Variants in ERICH2 observed in about 807,000 individuals in gnomAD.
ERICH2 encodes the protein glutamate-rich protein 2.
Under a neutral mutation model 17.4 loss-of-function variants are expected in ERICH2, and 17 were observed. The observed-to-expected ratio is 0.98, with a 90% CI of 0.67 to 1.47. The LOEUF is 1.47. Ranked by LOEUF, ERICH2 falls within the 40% of genes most tolerant of loss-of-function variation. The pLI is 0.00. For missense variants in ERICH2, 186 were observed against 183.2 expected (o/e 1.01, Z -0.09); for synonymous variants, 51 against 61.1 (o/e 0.83, Z 0.77).
intron 4 of ERICH2, 111 bp downstream of exon 9, chr2:170,798,223 A>G (rs1251479104): frequency 1.3e-6 from 1 of 748,076 alleles, no homozygotes; most frequent in East Asian, 2.7e-5. Context: ...GGTTAAGAAA[A>G]GGCTAAATGG....
intron 2 of ERICH2, among the ~76,000 whole-genome samples, chr2:170,786,564 T>C (rs1235903597): frequency 3.3e-5 from 5 of 152,288 alleles, no homozygotes; most frequent in East Asian, 1.9e-4. Flanking sequence ...AAATGTTCAG[T>C]TATTCTTCAA....
chr2:170,791,787 A>C (rs1483060104), intron 2 of ERICH2, among the ~76,000 whole-genome samples: 1 of 151,930 alleles, frequency 6.6e-6, no homozygotes, highest in Non-Finnish European at 1.5e-5. Context: ...TTATAGAAAA[A>C]TCTCCGGAAG....
At position 170,793,438 on chromosome 2, in the gene ERICH2, G is replaced by T. The variant is rs530360120; in HGVS notation, c.274+518G>T. 2.0e-5 allele frequency among the ~76,000 whole-genome samples: 3 copies of T among 152,334 alleles called. No individual in the cohort carries two copies. In the South Asian group the frequency reaches 6.2e-4, roughly 32 times the overall value. On this transcript the variant is annotated intron_variant, in intron 3 of 4. Coordinates refer to ENST00000409885, the Ensembl canonical transcript of ERICH2. ...GGTGAGAAATAAAGTAGGGAAGAAG[G>T]AATAGAAGGTACTGGAGGAAGGCAA...
At chr2:170,783,146 A>G (rs1298428722), upstream of ERICH2, 2 of 87,022 alleles carry the variant, frequency 2.3e-5, no homozygotes, top group African/African-American at 6.6e-5. Flanking sequence ...AAATAAAAAT[A>G]AAATAAAAAA....
At chr2:170,794,074 C>T in intron 3 of ERICH2, among the ~76,000 whole-genome samples, 1 of 139,772 alleles carries the variant, frequency 7.2e-6, no homozygotes, top group Admixed American at 7.2e-5. Flanking sequence ...TTCTTTCTTT[C>T]CTTCCTTCCT....
upstream of ERICH2, among the ~76,000 whole-genome samples, chr2:170,782,803 G>A (rs897708874): frequency 6.6e-6 from 1 of 152,176 alleles, no homozygotes; most frequent in Non-Finnish European, 1.5e-5. Context: ...AAACAGGCCA[G>A]CTATAGTGGC....
chr2:170,782,760 G>A (rs1323279895), upstream of ERICH2, among the ~76,000 whole-genome samples: 1 of 152,172 alleles, frequency 6.6e-6, no homozygotes, highest in Non-Finnish European at 1.5e-5. Context: ...TTACATTCTA[G>A]TAGAAGTCAG....
At chr2:170,777,717 C>T in the ERICH2 span, 1 of 1,216,556 alleles carries the variant, frequency 8.2e-7, no homozygotes, top group Non-Finnish European at 1.0e-6. Context: ...CTGATCTCTC[C>T]CATGCCTTTT....
At chr2:170,784,308 G>A (rs1332702318) in intron 1 of ERICH2, among the ~76,000 whole-genome samples, 3 of 152,162 alleles carry the variant, frequency 2.0e-5, no homozygotes, top group African/African-American at 7.2e-5. Flanking sequence ...TTGTGTATTA[G>A]TAAAAATAGT....
At chr2:170,792,973 G>A (rs1701326294) in intron 3 of ERICH2, 53 bp downstream of exon 8, 1 of 1,089,798 alleles carries the variant, frequency 9.2e-7, no homozygotes, top group Non-Finnish European at 1.3e-6. Context: ...TTTCAAAAAT[G>A]AATTCCGTAA....
At chr2:170,782,936 T>G (rs941869262), upstream of ERICH2, among the ~76,000 whole-genome samples, 3 of 151,652 alleles carry the variant, frequency 2.0e-5, no homozygotes, top group African/African-American at 7.3e-5. Context: ...AAAATTAAAA[T>G]TAAAAAAGAA....
At chr2:170,795,048 G>A (rs1427765968) in intron 3 of ERICH2, among the ~76,000 whole-genome samples, 4 of 146,916 alleles carry the variant, frequency 2.7e-5, no homozygotes, top group Non-Finnish European at 3.0e-5. Flanking sequence ...GTGGCACAAT[G>A]TCAGCCACTG....
the ERICH2 span, chr2:170,777,830 T>A: frequency 2.8e-6 from 1 of 356,068 alleles, no homozygotes; most frequent in Non-Finnish European, 4.5e-6. Flanking sequence ...GTCAAAGCAA[T>A]TGTTACTATA....
chr2:170,787,530 A>C (rs1701185409), intron 2 of ERICH2, among the ~76,000 whole-genome samples: 1 of 152,208 alleles, frequency 6.6e-6, no homozygotes, highest in Non-Finnish European at 1.5e-5. Flanking sequence ...ACCCTGTCTG[A>C]TAGCCAGTGA....
the ERICH2 span, among the ~76,000 whole-genome samples, chr2:170,774,045 T>C: frequency 6.6e-6 from 1 of 152,184 alleles, no homozygotes; most frequent in Non-Finnish European, 1.5e-5. Context: ...TAAATAGACA[T>C]TGAATAGTGC....
At chr2:170,796,146 G>A (rs1701408741) in intron 3 of ERICH2, among the ~76,000 whole-genome samples, 1 of 152,114 alleles carries the variant, frequency 6.6e-6, no homozygotes, top group Non-Finnish European at 1.5e-5. Context: ...TTAATGATAA[G>A]CATATTTTAG....
At chr2:170,798,100 A>G (rs1701473343) in exon 4 of ERICH2, 4 of 1,543,862 alleles carry the variant, frequency 2.6e-6, no homozygotes, top group Non-Finnish European at 3.5e-6. Flanking sequence ...TATTGAAGAA[A>G]TGTTGCTGAT....
intron 2 of ERICH2, among the ~76,000 whole-genome samples, chr2:170,786,789 A>AT (rs1444236190): frequency 7.9e-5 from 12 of 151,678 alleles, no homozygotes; most frequent in East Asian, 5.8e-4. Context: ...CCTGCATTAT[A>AT]TTTTTTTGCA....
chr2:170,784,630 G>T lies in ERICH2; in HGVS notation c.29-16G>T, dbSNP rs1313905743. The T allele has an allele frequency of 3.5e-6, 5 of 1,438,508 alleles. No individual in the cohort carries two copies. Among genetic ancestry groups the T allele is most frequent in the Non-Finnish European group, 4.6e-6 (5 of 1,087,248 alleles). The allele number at this position is 1,438,508 out of a possible 1,614,324, so 89.1% of individuals were successfully genotyped here. ...TTTCGATCTCTTTTGATTAAATTAG[G>T]TATATTCTCTTTTAGGTGAAGTGAG... On this transcript the variant is annotated splice_polypyrimidine_tract_variant and intron_variant, in intron 1 of 4. Transcript: ENST00000409885.
Sources: allele counts gnomAD v4.1 joint callset (sites outside exome capture counted in the v4.1 genomes callset), GRCh38; gene constraint gnomAD v4.1.1; transcripts MANE v1.5; gene names NCBI Gene and HGNC (gene_info 2026-07-23, HGNC 2026-07-21).